Variants in DDX49 observed in about 807,000 individuals in gnomAD.
DDX49 encodes DEAD-box helicase 49, also known as probable ATP-dependent RNA helicase DDX49.
DDX49 carries 50 observed loss-of-function variants against 56.3 expected under a neutral mutation model. That is an observed-to-expected ratio of 0.89 (90% CI 0.71 to 1.12). The LOEUF is 1.12. DDX49 is among the 50% of genes most tolerant of loss of function. The pLI is 0.00. For missense variants in DDX49, 614 were observed against 650.5 expected, an observed-to-expected ratio of 0.94 and a Z score of 0.61; for synonymous variants, 269 against 270.6, an observed-to-expected ratio of 0.99 and a Z score of 0.06.
At chr19:18,925,673 C>T (rs1266197097) in intron 9 of DDX49, among the ~76,000 whole-genome samples, 5 of 152,046 alleles carry the variant, frequency 3.3e-5, no homozygotes, top group Admixed American at 3.3e-4. Flanking sequence ...GGGGCTGCCC[C>T]CTGGGAGGGT....
rs1414199257 is a variant in DDX49 at position 18,927,847 on chromosome 19, G to A, written c.1184G>A (p.Cys395Tyr). 1 of 1,614,094 alleles carries A rather than the reference G, an allele frequency of 6.2e-7. No individual in the cohort carries two copies. Among genetic ancestry groups the A allele is most frequent in the Non-Finnish European group, 8.5e-7 (1 of 1,180,020 alleles). ...CAGGTCAACGTGGTGCGAAGAGAGT[G>A]TGAGATCGTGAGTGTCAGAGGCGGG... Reference protein sequence around the residue: ...LTQVNVVRRECEIKLEAAHFD... With the variant: ...LTQVNVVRREYEIKLEAAHFD... The change falls in exon 11 of 13, where the codon TGT (cysteine) becomes TAT (tyrosine). Residue 395 changes from cysteine (C) to tyrosine (Y), a missense_variant. Transcript: ENST00000247003.
intron 2 of DDX49, among the ~76,000 whole-genome samples, chr19:18,921,152 A>AG (rs1555712424): frequency 2.6e-5 from 4 of 152,026 alleles, no homozygotes; most frequent in Non-Finnish European, 5.9e-5. Flanking sequence ...AAAAAAAAAA[A>AG]AAAGAAAGAA....
In DDX49 at chr19:18,926,169, G is replaced by C. The variant is rs553201337; in HGVS notation, c.1028-134G>C. On this transcript the variant is annotated intron_variant, in intron 9 of 12. Coordinates refer to ENST00000247003, the MANE Select transcript of DDX49 (RefSeq NM_019070.5). ...TTGGGGTCAAGCCCAGACACTCTGG[G>C]CTGATCCCTCCCAAGCCCAAGCCCT... The C allele has an allele frequency of 3.9e-5, 36 of 916,238 alleles. No individual in the cohort carries two copies. The African/African-American group carries it at 4.9e-4, about 13-fold the overall frequency. The allele number at this position is 916,238 out of a possible 1,614,324, so 56.8% of individuals were successfully genotyped here. A position where few individuals can be genotyped will look rare whatever the true frequency, so the allele number is the denominator to read the frequency against.
chr19:18,927,354 G>A (rs953558282), intron 10 of DDX49, among the ~76,000 whole-genome samples: 1 of 152,074 alleles, frequency 6.6e-6, no homozygotes, highest in Non-Finnish European at 1.5e-5. Context: ...CAGCATGGGC[G>A]ACAGAGTAAG....
At position 18,926,397 on chromosome 19, in the gene DDX49, GTGGTAGAGAAGGAGGGGT is replaced by G; in HGVS notation, c.1102+21_1102+38del. 7 of 1,378,078 alleles carry G rather than the reference GTGGTAGAGAAGGAGGGGT, an allele frequency of 5.1e-6. No homozygotes were observed. The highest frequency in any genetic ancestry group is 4.2e-5 in the Admixed American group (2 of 47,452). 85.4% of individuals were successfully genotyped at this position (1,378,078 alleles called of 1,614,324 possible). Reference sequence around the variant, plus strand: ...AGATCAGTGAGTGGGGTTGGGGTGGGTGGTAGAGAAGGAGGGGTGGGGTGGGCAGAGGTGGGCACCTCG... The same window carrying G: ...AGATCAGTGAGTGGGGTTGGGGTGGGGGGGTGGGCAGAGGTGGGCACCTCG... On this transcript the variant is annotated intron_variant, in intron 10 of 12. Transcript: ENST00000247003.
chr19:18,920,851 A>G (rs780461333), intron 2 of DDX49, 148 bp downstream of exon 2: 19 of 778,716 alleles, frequency 2.4e-5, no homozygotes, highest in Non-Finnish European at 3.5e-5. Context: ...GCAGAATTAA[A>G]CAAGATGGCC....
intron 9 of DDX49, among the ~76,000 whole-genome samples, chr19:18,925,531 A>T (rs2056954169): frequency 6.6e-6 from 1 of 152,210 alleles, no homozygotes; most frequent in South Asian, 2.1e-4. Context: ...CTCCAGCCTG[A>T]GCAACAGTGT....
intron 9 of DDX49, chr19:18,925,186 G>C: frequency 1.4e-6 from 1 of 728,926 alleles, no homozygotes; most frequent in Non-Finnish European, 2.2e-6. Context: ...TTGAACCCGG[G>C]AGGTTGCGGC....
chr19:18,925,160 G>GGGGC, intron 9 of DDX49, 181 bp downstream of exon 9: 2 of 921,390 alleles, frequency 2.2e-6, no homozygotes, highest in Non-Finnish European at 3.2e-6. Context: ...TCGGGAGGCT[G>GGGGC]AGGCAAGAAG....
In DDX49 at chr19:18,927,822, C is replaced by G; in HGVS notation, c.1159C>G (p.Gln387Glu). 2 of 1,614,004 alleles carry G rather than the reference C, an allele frequency of 1.2e-6. No homozygotes were observed. The highest frequency in any genetic ancestry group is 4.5e-5 in the East Asian group (2 of 44,848). ...GGCCGAGGTGCTACAGATCCTCACA[C>G]AGGTCAACGTGGTGCGAAGAGAGTG... ...EEAEVLQILT[Q>E]VNVVRRECEI... Residue 387 changes from glutamine (Q) to glutamate (E), a missense_variant, in exon 11 of 13, where the codon CAG becomes GAG. Physicochemically the swap from Gln to Glu is conservative, Grantham distance 29. Coordinates refer to ENST00000247003, the MANE Select transcript of DDX49 (RefSeq NM_019070.5).
intron 9 of DDX49, 76 bp downstream of exon 9, chr19:18,925,055 G>A (rs1041280237): frequency 1.5e-5 from 23 of 1,512,656 alleles, no homozygotes; most frequent in African/African-American, 2.8e-5. Context: ...GTGGTAGGAC[G>A]TGGGTAGGGT....
chr19:18,927,750 T>A lies in DDX49; in HGVS notation c.1103-16T>A. ...TCTCCTCCCCACCCCCACCCCCGGC[T>A]TTGCTGTCCCCACAGAGAAGAAGCT... On this transcript the variant is annotated splice_polypyrimidine_tract_variant and intron_variant, in intron 10 of 12. Coordinates refer to ENST00000247003, the MANE Select transcript of DDX49 (RefSeq NM_019070.5). The A allele has an allele frequency of 1.8e-5, 23 of 1,287,960 alleles. No individual in the cohort carries two copies. Among genetic ancestry groups the A allele is most frequent in the Non-Finnish European group, 2.4e-5 (21 of 884,470 alleles). 79.8% of individuals were successfully genotyped at this position (1,287,960 alleles called of 1,614,324 possible). A position where few individuals can be genotyped will look rare whatever the true frequency, so the allele number is the denominator to read the frequency against.
At chr19:18,925,343 C>G (rs900095736) in intron 9 of DDX49, among the ~76,000 whole-genome samples, 2 of 152,080 alleles carry the variant, frequency 1.3e-5, no homozygotes, top group African/African-American at 4.8e-5. Context: ...ATCACGAGGT[C>G]AGGAGTTCGA....
At chr19:18,921,223 A>C (rs2056914340) in intron 2 of DDX49, among the ~76,000 whole-genome samples, 1 of 151,064 alleles carries the variant, frequency 6.6e-6, no homozygotes, top group African/African-American at 2.4e-5. Context: ...CAGTTTGAGA[A>C]AGGCCTTGAA....
At chr19:18,921,195 A>G (rs58073274) in intron 2 of DDX49, among the ~76,000 whole-genome samples, 6,202 of 150,222 alleles carry the variant, frequency 0.041, 412 homozygotes, top group African/African-American at 0.14. Flanking sequence ...GGGTACTGGG[A>G]CCTGGGCATA....
rs1313784936 is a variant in DDX49 at position 18,926,350 on chromosome 19, C to T, written c.1075C>T (p.Leu359=). 1 of 1,344,392 alleles carries T rather than the reference C, an allele frequency of 7.4e-7. No individual in the cohort carries two copies. The highest frequency in any genetic ancestry group is 2.3e-5 in the Admixed American group (1 of 43,034). The allele number at this position is 1,344,392 out of a possible 1,614,324, so 83.3% of individuals were successfully genotyped here. The stretch of plus-strand genomic sequence containing the variant: ...GCTGGTGACACAGTACGACATCCAC[C>T]TGGTGCACGCCATCGAGGAGCAGAT... ...ITLVTQYDIH[L]VHAIEEQIKK... The change falls in exon 10 of 13, where the codon CTG becomes TTG. Residue 359 remains leucine (L), a synonymous_variant. Coordinates refer to ENST00000247003, the MANE Select transcript of DDX49 (RefSeq NM_019070.5).
Position 18,922,304 on chromosome 19 carries a change from C to T in DDX49, c.448-22C>T, listed in dbSNP as rs200671844. 32 of 1,604,076 alleles carry T rather than the reference C, an allele frequency of 2.0e-5. 1 individual carries two copies. In the Admixed American group the frequency reaches 2.4e-4, roughly 12 times the overall value. On this transcript the variant is annotated intron_variant, in intron 4 of 12. Transcript: ENST00000247003. ...CGGGGCCATGGACGGCACCCTCACC[C>T]CTGCCCCCATTGGCACGGCAGGTGA...
intron 6 of DDX49, among the ~76,000 whole-genome samples, chr19:18,923,355 C>T (rs1043060332): frequency 1.3e-5 from 2 of 152,052 alleles, no homozygotes; most frequent in Non-Finnish European, 2.9e-5. Flanking sequence ...AACTTCATCT[C>T]GACTAAAAAT....
At chr19:18,927,738 C>T in intron 10 of DDX49, 28 bp from the exon 11 acceptor site, 2 of 1,587,426 alleles carry the variant, frequency 1.3e-6, no homozygotes, top group Non-Finnish European at 1.7e-6. Flanking sequence ...CCTCCCCACC[C>T]CCACCCCCGG....
Sources: gnomAD v4.1 joint callset for allele counts (sites outside exome capture counted in the v4.1 genomes callset) on GRCh38, gnomAD v4.1.1 for gene constraint, MANE v1.5 for transcripts, NCBI Gene and HGNC (gene_info 2026-07-23, HGNC 2026-07-21) for gene names.